The following ZFP41 variants were observed in gnomAD, a reference collection of about 807,000 sequenced individuals.
ZFP41 encodes zinc finger protein 41 homolog.
A neutral mutation model predicts 11.6 loss-of-function variants in ZFP41; 10 were observed. The ratio of observed to expected loss-of-function variants is 0.86; its 90% CI spans 0.53 to 1.47. The LOEUF (loss-of-function observed/expected upper bound fraction) is 1.47, where lower values mean the gene tolerates loss of function less well. Among genes scored for constraint, ZFP41 ranks in the 40% most tolerant of loss-of-function variants. The probability of loss-of-function intolerance (pLI) is 0.00; values close to 1 mark genes in which losing one functional copy is unlikely to be tolerated. For missense variants in ZFP41, 302 were observed against 264.6 expected, an observed-to-expected ratio of 1.14 and a Z score of -0.98; for synonymous variants, 123 against 100.9, an observed-to-expected ratio of 1.22 and a Z score of -1.31.
rs1261076512 is a variant in ZFP41, at chr8:143,261,468, T to C, written c.*2594T>C. On this transcript the variant is annotated 3_prime_UTR_variant, in exon 3 of 3. Transcript: ENST00000330701. ...CTGAGGTCCAGGGACGCAGGAAGGATGGGGTGAACTCCGGGATGGGGCCGG... is the reference window on the plus strand; with the variant it reads ...CTGAGGTCCAGGGACGCAGGAAGGACGGGGTGAACTCCGGGATGGGGCCGG... 6.6e-6 allele frequency: 1 copy of C among 152,564 alleles called. No individual in the cohort carries two copies. The highest frequency in any genetic ancestry group is 2.4e-5 in the African/African-American group (1 of 41,358). The allele number at this position is 152,564 out of a possible 1,614,324, so 9.5% of individuals were successfully genotyped here. A position where few individuals can be genotyped will look rare whatever the true frequency, so the allele number is the denominator to read the frequency against.
At chr8:143,249,560 C>T (rs554195323) in intron 1 of ZFP41, 130 bp from the exon 2 acceptor site, 477 of 341,660 alleles carry the variant, frequency 1.4e-3, no homozygotes, top group Non-Finnish European at 2.1e-3. Context: ...GGTGGGGCTC[C>T]GGGGAGATCA....
rs933129847 is a variant in ZFP41 at position 143,250,218 on chromosome 8, G to T, written c.375G>T (p.Arg125=). 6.2e-7 allele frequency: 1 copy of T among 1,613,992 alleles called. No homozygotes were observed. Residue 125 remains arginine, a synonymous_variant, in exon 2 of 3, where the codon CGG becomes CGT. Transcript: ENST00000330701. ...FKCAQCGKAF[R]HSSDVTKHQR... ...GTGCGCAGTGCGGGAAGGCCTTCCG[G>T]CACAGCTCTGACGTCACCAAACACC... is the stretch of plus-strand genomic sequence containing the variant.
At position 143,250,605 on chromosome 8, in the gene ZFP41, C is replaced by G. The variant is rs999535744; in HGVS notation, c.*165C>G. On this transcript the variant is annotated 3_prime_UTR_variant, in exon 2 of 3. Transcript: ENST00000330701. ...CAGCCCAGTCAGATGTGGGAACGTG[C>G]CAGCGAGGGAGAGACCTTTCCACTG... The G allele has an allele frequency of 1.8e-6, 2 of 1,140,660 alleles. No homozygotes were observed. The highest frequency in any genetic ancestry group is 5.6e-5 in the Admixed American group (2 of 35,472). 70.7% of individuals were successfully genotyped at this position (1,140,660 alleles called of 1,614,324 possible).
chr8:143,253,387 C>A (rs759607190), intron 2 of ZFP41: 1 of 152,208 alleles, frequency 6.6e-6, no homozygotes, highest in Admixed American at 6.5e-5. Context: ...AAGGGTCAGG[C>A]AGGAAATATT....
At chr8:143,252,707 A>G (rs1446960749) in intron 2 of ZFP41, 12 of 883,324 alleles carry the variant, frequency 1.4e-5, no homozygotes, top group Middle Eastern at 5.7e-4. Context: ...GTCTCACACT[A>G]TTGGGCGTGT....
chr8:143,249,642 T>C, intron 1 of ZFP41, 48 bp from the exon 2 acceptor site: 1 of 838,914 alleles, frequency 1.2e-6, no homozygotes, highest in Non-Finnish European at 1.7e-6. Context: ...CCACATCCCC[T>C]GAAAGGCAAA....
In ZFP41 at chr8:143,262,051, C is replaced by T. The variant is rs1462733388; in HGVS notation, c.*3177C>T. The T allele has an allele frequency of 1.4e-4, 26 of 179,394 alleles. No homozygotes were observed. Among genetic ancestry groups the T allele is most frequent in the Non-Finnish European group, 2.4e-4 (21 of 87,240 alleles). 11.1% of individuals were successfully genotyped at this position (179,394 alleles called of 1,614,324 possible). On this transcript the variant is annotated 3_prime_UTR_variant, in exon 3 of 3. Coordinates refer to ENST00000330701, the MANE Select transcript of ZFP41 (RefSeq NM_173832.6). ...CACCCGCACCCCTCACGGCTGTCTC[C>T]GGCAGCCCCTGCCCGCGCCCGCACC...
At chr8:143,249,639 C>T in intron 1 of ZFP41, 51 bp from the exon 2 acceptor site, 1 of 763,474 alleles carries the variant, frequency 1.3e-6, no homozygotes, top group East Asian at 2.9e-5. Context: ...ATCCCACATC[C>T]CCTGAAAGGC....
At chr8:143,259,271 C>T (rs542225470) in intron 2 of ZFP41, among the ~76,000 whole-genome samples, 2 of 152,228 alleles carry the variant, frequency 1.3e-5, no homozygotes, top group East Asian at 1.9e-4. Context: ...CCGCAAAGTT[C>T]GAAACCAAGC....
At chr8:143,252,125 C>T (rs1160486337) in intron 2 of ZFP41, among the ~76,000 whole-genome samples, 1 of 152,234 alleles carries the variant, frequency 6.6e-6, no homozygotes, top group Non-Finnish European at 1.5e-5. Flanking sequence ...TAGCCTAGAA[C>T]TGGAAAATAA....
At position 143,258,193 on chromosome 8, in the gene ZFP41, C is replaced by T. The variant is rs141907648; in HGVS notation, c.*901-1582C>T. Among the ~76,000 whole-genome samples, 6 of 151,730 alleles carry T rather than the reference C, an allele frequency of 4.0e-5. No homozygotes were observed. The East Asian group carries it at 5.8e-4, about 15-fold the overall frequency. Reference sequence around the variant, plus strand: ...ATTAAAAATTAGGTATGGTGGCGTGCGCCTGTGGTCCCATATACTCGGGAG... The same window carrying T: ...ATTAAAAATTAGGTATGGTGGCGTGTGCCTGTGGTCCCATATACTCGGGAG... On this transcript the variant is annotated intron_variant, in intron 2 of 2. Coordinates refer to ENST00000330701, the MANE Select transcript of ZFP41 (RefSeq NM_173832.6).
Position 143,260,866 on chromosome 8 carries a change from A to G in ZFP41, c.*1992A>G. On this transcript the variant is annotated 3_prime_UTR_variant, in exon 3 of 3. Coordinates refer to ENST00000330701, the MANE Select transcript of ZFP41 (RefSeq NM_173832.6). Reference sequence around the variant, plus strand: ...CCGAGCTCTGTAGGCCTCAGAGTGCAGAGAACCTCAAATGTTGTGACTTTG... The same window carrying G: ...CCGAGCTCTGTAGGCCTCAGAGTGCGGAGAACCTCAAATGTTGTGACTTTG... The G allele has an allele frequency of 6.0e-6, 1 of 166,688 alleles. No individual in the cohort carries two copies. The highest frequency in any genetic ancestry group is 1.3e-5 in the Non-Finnish European group (1 of 76,804). The allele number at this position is 166,688 out of a possible 1,614,324, so 10.3% of individuals were successfully genotyped here.
rs138164804 is a variant in ZFP41, at chr8:143,250,032, C to T, written c.189C>T (p.Ala63=). 1.9e-6 allele frequency: 3 copies of T among 1,614,046 alleles called. No individual in the cohort carries two copies. Among genetic ancestry groups the T allele is most frequent in the African/African-American group, 2.7e-5 (2 of 74,918 alleles). Residue 63 remains alanine, a synonymous_variant, in exon 2 of 3, where the codon GCC becomes GCT. Coordinates refer to ENST00000330701, the MANE Select transcript of ZFP41 (RefSeq NM_173832.6). The part of the protein sequence containing the change: ...SPEDEEHVFD[A]FDASFKDDFE... The stretch of plus-strand genomic sequence containing the variant: ...AAGACGAAGAGCACGTCTTTGATGC[C>T]TTCGACGCTTCATTTAAAGATGACT...
intron 1 of ZFP41, chr8:143,249,078 C>T (rs1200008696): frequency 6.6e-6 from 1 of 152,278 alleles, no homozygotes; most frequent in African/African-American, 2.4e-5. Context: ...AAACTCCAGC[C>T]TGGTTGACCA....
Position 143,251,270 on chromosome 8 carries a change from G to C in ZFP41, c.*830G>C, listed in dbSNP as rs561570122. On this transcript the variant is annotated 3_prime_UTR_variant, in exon 2 of 3. Coordinates refer to ENST00000330701, the MANE Select transcript of ZFP41 (RefSeq NM_173832.6). Reference sequence around the variant, plus strand: ...GGGTGCCCTCGGCAGCTTCGGTCCAGCCTGCATCTGCCCCTCGGCCTTCCG... The same window carrying C: ...GGGTGCCCTCGGCAGCTTCGGTCCACCCTGCATCTGCCCCTCGGCCTTCCG... The C allele has an allele frequency of 6.0e-6, 1 of 167,454 alleles. No individual in the cohort carries two copies. The highest frequency in any genetic ancestry group is 6.5e-5 in the Admixed American group (1 of 15,314). The allele number at this position is 167,454 out of a possible 1,614,324, so 10.4% of individuals were successfully genotyped here.
chr8:143,255,481 A>T lies in ZFP41; in HGVS notation c.*900+4141A>T, dbSNP rs1814885748. On this transcript the variant is annotated intron_variant, in intron 2 of 2. Coordinates refer to ENST00000330701, the MANE Select transcript of ZFP41 (RefSeq NM_173832.6). ...TCACCCCGCGTCTAGTGTTAGTGAGATCAGAGCTCACCCCGCGTGCTGGTG... is the reference window on the plus strand; with the variant it reads ...TCACCCCGCGTCTAGTGTTAGTGAGTTCAGAGCTCACCCCGCGTGCTGGTG... Among the ~76,000 whole-genome samples, 11 of 131,442 alleles carry T rather than the reference A, an allele frequency of 8.4e-5. No individual in the cohort carries two copies. The Admixed American group carries it at 8.5e-4, about 10-fold the overall frequency. 86.2% of individuals were successfully genotyped at this position (131,442 alleles called of 152,430 possible). A position where few individuals can be genotyped will look rare whatever the true frequency, so the allele number is the denominator to read the frequency against.
intron 2 of ZFP41, among the ~76,000 whole-genome samples, chr8:143,252,160 ACT>A (rs1814780624): frequency 6.6e-6 from 1 of 152,182 alleles, no homozygotes; most frequent in South Asian, 2.1e-4. Context: ...CCAGAACCAC[ACT>A]GTCACCCACA....
Position 143,262,586 on chromosome 8 carries a change from G to A in ZFP41, c.*3712G>A, listed in dbSNP as rs752557832. ...TGTGACTTGCTCTGCGTGAGTCCTC[G>A]GTCCACGTGGGCCGTTGCGCTGGTT... is the stretch of plus-strand genomic sequence containing the variant. On this transcript the variant is annotated 3_prime_UTR_variant, in exon 3 of 3. Coordinates refer to ENST00000330701, the MANE Select transcript of ZFP41 (RefSeq NM_173832.6). 2 of 152,230 alleles carry A rather than the reference G, an allele frequency of 1.3e-5. No homozygotes were observed. The highest frequency in any genetic ancestry group is 2.9e-5 in the Non-Finnish European group (2 of 68,076). The allele number at this position is 152,230 out of a possible 1,614,324, so 9.4% of individuals were successfully genotyped here.
intron 1 of ZFP41, 68 bp from the exon 2 acceptor site, chr8:143,249,622 C>A: frequency 1.6e-6 from 1 of 618,364 alleles, no homozygotes; most frequent in Non-Finnish European, 2.6e-6. Flanking sequence ...GGAGGGGCCG[C>A]ACCTGAATCC....
Sources: allele counts gnomAD v4.1 joint callset (sites outside exome capture counted in the v4.1 genomes callset), GRCh38; gene constraint gnomAD v4.1.1; transcripts MANE v1.5; gene names NCBI Gene and HGNC (gene_info 2026-07-23, HGNC 2026-07-21).